Variants in ARHGEF7 observed in about 807,000 individuals in gnomAD.
ARHGEF7 encodes the protein Rho guanine nucleotide exchange factor 7, also known as PAK-interacting exchange factor beta.
In ARHGEF7, 33 loss-of-function variants were observed where a neutral mutation model predicts 109.8. That is an observed-to-expected ratio of 0.30 (90% CI 0.23 to 0.40). The LOEUF is 0.40. Ranked by LOEUF, ARHGEF7 falls within the 10% of genes least tolerant of loss-of-function variation. The pLI, the probability that ARHGEF7 is intolerant of heterozygous loss-of-function variation, is 1.00. For synonymous variants in ARHGEF7, 458 were observed against 424.6 expected (o/e 1.08, Z -0.97); for missense variants, 938 against 1,098.5 (o/e 0.85, Z 2.07).
rs2090296579 is a variant in ARHGEF7 at position 111,255,364 on chromosome 13, G to A, written c.950+11070G>A. ...TGTGGCCCAGGTAAAGGTTAGGTTT[G>A]GATTGACAGCTCTCCTGGTCACCTG... is the stretch of plus-strand genomic sequence containing the variant. On this transcript the variant is annotated intron_variant, in intron 8 of 21. Transcript: ENST00000646102. This position sits in a 1 kb window ranked among gnomAD's most constrained non-coding sequence, Gnocchi z 4.1. Among the ~76,000 whole-genome samples the A allele has an allele frequency of 6.6e-6, 1 of 152,224 alleles. No homozygotes were observed. Among genetic ancestry groups the A allele is most frequent in the African/African-American group, 2.4e-5 (1 of 41,450 alleles).
chr13:111,174,850 G>A (rs1054511947), intron 2 of ARHGEF7, among the ~76,000 whole-genome samples: 3 of 152,226 alleles, frequency 2.0e-5, no homozygotes, highest in Non-Finnish European at 4.4e-5. Context: ...ACTCAGCTAG[G>A]CGTGCGAGGA....
intron 2 of ARHGEF7, among the ~76,000 whole-genome samples, chr13:111,183,943 G>C (rs902219444): frequency 6.6e-6 from 1 of 152,120 alleles, no homozygotes; most frequent in Non-Finnish European, 1.5e-5. Context: ...GGCCGGGTGC[G>C]GGTGGGACTG....
chr13:111,269,293 ATTC>A (rs1188721207), intron 9 of ARHGEF7, among the ~76,000 whole-genome samples: 1 of 151,982 alleles, frequency 6.6e-6, no homozygotes, highest in African/African-American at 2.4e-5. Flanking sequence ...ATCTCTGGAA[ATTC>A]TTCAAGAATT....
At chr13:111,299,196 T>G (rs900302555) in intron 19 of ARHGEF7, among the ~76,000 whole-genome samples, 14 of 152,160 alleles carry the variant, frequency 9.2e-5, no homozygotes, top group African/African-American at 3.4e-4. Context: ...CTGGTTCCTG[T>G]TGCACGCTGC....
chr13:111,198,899 G>T (rs1308144078), intron 2 of ARHGEF7, among the ~76,000 whole-genome samples: 1 of 134,752 alleles, frequency 7.4e-6, no homozygotes, highest in Non-Finnish European at 1.7e-5. Flanking sequence ...GCTCTGATTG[G>T]TGCATTTTTA....
chr13:111,174,602 G>C (rs1450524303), intron 2 of ARHGEF7, among the ~76,000 whole-genome samples: 3 of 152,208 alleles, frequency 2.0e-5, no homozygotes, highest in African/African-American at 7.2e-5. Context: ...AGTTCACTAA[G>C]TTTTCCTGTA....
At chr13:111,283,054 A>C in intron 15 of ARHGEF7, 85 bp from the exon 16 acceptor site, 1 of 1,429,074 alleles carries the variant, frequency 7.0e-7, no homozygotes, top group Non-Finnish European at 9.5e-7. Context: ...TTTAAAGAGC[A>C]GAAGGAAGTG....
At chr13:111,195,224 A>G (rs752403514) in intron 2 of ARHGEF7, among the ~76,000 whole-genome samples, 2 of 152,166 alleles carry the variant, frequency 1.3e-5, no homozygotes, top group African/African-American at 2.4e-5. Flanking sequence ...TGTCTTTCCA[A>G]TGCCCAGACT....
At chr13:111,233,396 ATAAAGTTCATTCAT>A (rs1399505379) in intron 6 of ARHGEF7, 103 bp downstream of exon 6, 5 of 909,860 alleles carry the variant, frequency 5.5e-6, no homozygotes, top group Non-Finnish European at 8.9e-6. Context: ...GAAGAAGGAA[ATAAAGTTCATTCAT>A]CTGCCACACA....
In ARHGEF7 at chr13:111,151,610, C is replaced by G. The variant is rs79956856; in HGVS notation, c.166-2295C>G. 4.5e-4 allele frequency among the ~76,000 whole-genome samples: 69 copies of G among 152,310 alleles called. No individual in the cohort carries two copies. In the East Asian group the frequency reaches 0.011, roughly 24 times the overall value. ...GCACTTTCTGGAGCAGCCTCATGTA[C>G]AGATGTGAATGCACTGTATTGTTGA... On this transcript the variant is annotated intron_variant, in intron 1 of 21. Coordinates refer to ENST00000646102, the MANE Select transcript of ARHGEF7 (RefSeq NM_001354046.2).
chr13:111,235,924 A>G (rs901493163), intron 6 of ARHGEF7, among the ~76,000 whole-genome samples: 1 of 152,218 alleles, frequency 6.6e-6, no homozygotes, highest in Non-Finnish European at 1.5e-5. Flanking sequence ...AATTTACATG[A>G]ATGACTTGTC....
At chr13:111,180,080 T>A (rs1566729276) in intron 2 of ARHGEF7, among the ~76,000 whole-genome samples, 1 of 152,212 alleles carries the variant, frequency 6.6e-6, no homozygotes, top group Non-Finnish European at 1.5e-5. Flanking sequence ...TTATGGTGGT[T>A]CAGGTGGTTC....
intron 5 of ARHGEF7, among the ~76,000 whole-genome samples, chr13:111,218,129 G>A (rs1405752365): frequency 1.3e-5 from 2 of 151,808 alleles, no homozygotes; most frequent in Non-Finnish European, 2.9e-5. Context: ...GAAACATCTC[G>A]AATCTTTATC....
intron 5 of ARHGEF7, 79 bp downstream of exon 5, chr13:111,217,959 T>A (rs1342458179): frequency 1.1e-5 from 15 of 1,387,184 alleles, no homozygotes; most frequent in Admixed American, 4.7e-5. Context: ...TAGTGTTTAC[T>A]CTCCAGCTGG....
chr13:111,253,080 T>G (rs2089980138), intron 8 of ARHGEF7, among the ~76,000 whole-genome samples: 1 of 152,240 alleles, frequency 6.6e-6, no homozygotes, highest in Admixed American at 6.5e-5. Flanking sequence ...TGCCTCACTT[T>G]GGGACAAGAA....
At position 111,294,377 on chromosome 13, in the gene ARHGEF7, C is replaced by T. The variant is rs1376451560; in HGVS notation, c.2311+2083C>T. The T allele has an allele frequency of 5.1e-6, 5 of 985,332 alleles. No individual in the cohort carries two copies. In the Admixed American group the frequency reaches 3.1e-4, roughly 61 times the overall value. The allele number at this position is 985,332 out of a possible 1,614,324, so 61.0% of individuals were successfully genotyped here. ...GTCATGGGCTGTGTAGACCACAACACTCAAACACAGTTGCTGCACTTGGAT... is the reference window on the plus strand; with the variant it reads ...GTCATGGGCTGTGTAGACCACAACATTCAAACACAGTTGCTGCACTTGGAT... On this transcript the variant is annotated intron_variant, in intron 19 of 21. Transcript: ENST00000646102.
chr13:111,296,476 C>T (rs9555784), intron 19 of ARHGEF7, among the ~76,000 whole-genome samples: 23,405 of 152,146 alleles, frequency 0.15, 2,724 homozygotes, highest in East Asian at 0.68. Flanking sequence ...CATCTACAGG[C>T]ACATTCTTGG....
chr13:111,227,719 T>C (rs2085403137), intron 5 of ARHGEF7, among the ~76,000 whole-genome samples: 2 of 152,214 alleles, frequency 1.3e-5, no homozygotes, highest in South Asian at 4.1e-4. Context: ...CTTCTAGGTT[T>C]GTTCTTTGTG....
chr13:111,229,965 A>G (rs892367328), intron 5 of ARHGEF7, among the ~76,000 whole-genome samples: 2 of 152,116 alleles, frequency 1.3e-5, no homozygotes, highest in Admixed American at 1.3e-4. Flanking sequence ...GCGGGTTACT[A>G]AGGGATCCAG....
Sources: gnomAD v4.1 joint callset for allele counts (sites outside exome capture counted in the v4.1 genomes callset) on GRCh38, gnomAD v4.1.1 for gene constraint, Gnocchi (gnomAD v3.1) non-coding constraint, MANE v1.5 for transcripts, NCBI Gene and HGNC (gene_info 2026-07-23, HGNC 2026-07-21) for gene names.